FBXO4: variants seen among roughly 807,000 people sequenced by gnomAD.
FBXO4 encodes F-box protein 4.
In FBXO4, 36 loss-of-function variants were observed where a neutral mutation model predicts 43.7. That is an observed-to-expected ratio of 0.82 (90% CI 0.63 to 1.09). The LOEUF (loss-of-function observed/expected upper bound fraction) is 1.09. Ranked by LOEUF, FBXO4 falls within the 50% of genes least tolerant of loss-of-function variation. The probability of loss-of-function intolerance (pLI) is 0.00; values close to 1 mark genes in which losing one functional copy is unlikely to be tolerated. For missense variants in FBXO4, 435 were observed against 474.1 expected (o/e 0.92, Z 0.77); for synonymous variants, 180 against 165.6 (o/e 1.09, Z -0.67).
At chr5:42,024,804 T>G in the FBXO4 span, among the ~76,000 whole-genome samples, 2 of 152,196 alleles carry the variant, frequency 1.3e-5, no homozygotes, top group African/African-American at 4.8e-5. Flanking sequence ...GAACAAATGA[T>G]GTCTTTCTGT....
the FBXO4 span, among the ~76,000 whole-genome samples, chr5:41,993,021 A>G: frequency 6.6e-6 from 1 of 152,190 alleles, no homozygotes; most frequent in South Asian, 2.1e-4. Context: ...ACTATTTTTT[A>G]ATTTGCTTTT....
intron 2 of FBXO4, among the ~76,000 whole-genome samples, chr5:41,927,738 G>A (rs1158543521): frequency 6.6e-6 from 1 of 152,088 alleles, no homozygotes; most frequent in Non-Finnish European, 1.5e-5. Flanking sequence ...TGGATTCTAC[G>A]AGGGATGCTT....
the FBXO4 span, among the ~76,000 whole-genome samples, chr5:42,026,047 T>G: frequency 1.3e-5 from 2 of 152,134 alleles, no homozygotes; most frequent in Non-Finnish European, 2.9e-5. Flanking sequence ...CATATAAATC[T>G]TAGTATTGTT....
chr5:41,943,335 T>G (rs1752031499), downstream of FBXO4, among the ~76,000 whole-genome samples: 1 of 152,058 alleles, frequency 6.6e-6, no homozygotes, highest in African/African-American at 2.4e-5. Flanking sequence ...ACCTCTGGAG[T>G]TGAGAATGAC....
the FBXO4 span, among the ~76,000 whole-genome samples, chr5:42,028,822 C>A: frequency 2.0e-4 from 31 of 151,482 alleles, no homozygotes; most frequent in African/African-American, 6.3e-4. Flanking sequence ...TAAAAAAAAA[C>A]CAACTCTATG....
chr5:41,999,059 T>C, the FBXO4 span, among the ~76,000 whole-genome samples: 1 of 150,258 alleles, frequency 6.7e-6, no homozygotes, highest in South Asian at 2.1e-4. Flanking sequence ...ATGGTCCATA[T>C]ATGGACCACA....
At chr5:41,963,984 T>C in the FBXO4 span, 5,591 of 152,350 alleles carry the variant, frequency 0.037, 151 homozygotes, top group South Asian at 0.064. Context: ...TGATTTTTTA[T>C]GCTTCTTCTA....
In FBXO4 at chr5:41,930,009, G is replaced by T. The variant is rs1699245555; in HGVS notation, c.646+92G>T. On this transcript the variant is annotated intron_variant, in intron 3 of 6. Coordinates refer to ENST00000281623, the MANE Select transcript of FBXO4 (RefSeq NM_012176.3). ...GAAATTCATTTTAAATTAATTATTT[G>T]CTATAATGAAGTACAGTACTTTGGT... is the stretch of plus-strand genomic sequence containing the variant. 21 of 1,101,548 alleles carry T rather than the reference G, an allele frequency of 1.9e-5. 1 individual carries two copies. In the South Asian group the frequency reaches 3.1e-4, roughly 16 times the overall value. 68.2% of individuals were successfully genotyped at this position (1,101,548 alleles called of 1,614,324 possible).
chr5:42,029,442 T>G, the FBXO4 span, among the ~76,000 whole-genome samples: 3 of 151,982 alleles, frequency 2.0e-5, no homozygotes, highest in South Asian at 2.1e-4. Context: ...TTAAATCTGC[T>G]TGGTGTTTCA....
chr5:41,991,082 C>T, the FBXO4 span, among the ~76,000 whole-genome samples: 1 of 152,160 alleles, frequency 6.6e-6, no homozygotes, highest in East Asian at 1.9e-4. Flanking sequence ...AGTCAACATT[C>T]ACGTTAACGT....
At chr5:41,966,401 A>G in the FBXO4 span, among the ~76,000 whole-genome samples, 1 of 152,252 alleles carries the variant, frequency 6.6e-6, no homozygotes, top group African/African-American at 2.4e-5. Flanking sequence ...GTTAAACTGT[A>G]TAGCAAAAGC....
At chr5:41,984,266 A>T in the FBXO4 span, among the ~76,000 whole-genome samples, 1 of 152,186 alleles carries the variant, frequency 6.6e-6, no homozygotes. Context: ...TGGAAAATGA[A>T]AAAAGAGAAC....
intron 1 of FBXO4, among the ~76,000 whole-genome samples, 200 bp from the exon 2 acceptor site, chr5:41,926,813 C>A (rs1216966153): frequency 2.6e-5 from 4 of 152,162 alleles, no homozygotes; most frequent in Non-Finnish European, 4.4e-5. Flanking sequence ...AAATGTTTAA[C>A]AACTACGAAA....
At chr5:41,984,424 C>T in the FBXO4 span, among the ~76,000 whole-genome samples, 23 of 152,132 alleles carry the variant, frequency 1.5e-4, no homozygotes, top group African/African-American at 4.8e-4. Flanking sequence ...AGAGGGGTAG[C>T]TCAGCTAGGG....
the FBXO4 span, among the ~76,000 whole-genome samples, chr5:41,978,207 C>T: frequency 6.6e-6 from 1 of 152,104 alleles, no homozygotes; most frequent in Non-Finnish European, 1.5e-5. Flanking sequence ...ACTATAAGAG[C>T]AAGAGCTCAC....
chr5:42,029,412 T>G, the FBXO4 span, among the ~76,000 whole-genome samples: 2 of 152,054 alleles, frequency 1.3e-5, no homozygotes, highest in Non-Finnish European at 2.9e-5. Context: ...ATTAAATTCG[T>G]TGAGGTGGTA....
chr5:41,937,384 A>AG (rs1161950014), intron 5 of FBXO4, among the ~76,000 whole-genome samples: 1 of 152,206 alleles, frequency 6.6e-6, no homozygotes, highest in East Asian at 1.9e-4. Context: ...TAGTACTGCA[A>AG]GGGGGAAAAA....
At chr5:41,947,068 G>GTGAT in the FBXO4 span, among the ~76,000 whole-genome samples, 2 of 152,128 alleles carry the variant, frequency 1.3e-5, no homozygotes, top group Non-Finnish European at 2.9e-5. Flanking sequence ...GAATAAATAG[G>GTGAT]TGATACATAA....
At chr5:42,014,311 G>A in the FBXO4 span, among the ~76,000 whole-genome samples, 1 of 152,168 alleles carries the variant, frequency 6.6e-6, no homozygotes, top group Non-Finnish European at 1.5e-5. Flanking sequence ...TATTAACAAT[G>A]AGAACCGTTT....
Sources: allele counts gnomAD v4.1 joint callset (sites outside exome capture counted in the v4.1 genomes callset), GRCh38; gene constraint gnomAD v4.1.1; transcripts MANE v1.5; gene names NCBI Gene and HGNC (gene_info 2026-07-23, HGNC 2026-07-21).